PICK1: variants seen among roughly 807,000 people sequenced by gnomAD.
PICK1 encodes PRKCA-binding protein.
In PICK1, 23 loss-of-function variants were observed where a neutral mutation model predicts 48.9. The observed-to-expected ratio is 0.47, with a 90% CI of 0.34 to 0.67. The LOEUF (loss-of-function observed/expected upper bound fraction) is 0.67. Ranked by LOEUF, PICK1 falls within the 30% of genes least tolerant of loss-of-function variation. PICK1 has a pLI of 0.01. For synonymous variants in PICK1, 217 were observed against 228.2 expected, an observed-to-expected ratio of 0.95 and a Z score of 0.44; for missense variants, 423 against 557.1, an observed-to-expected ratio of 0.76 and a Z score of 2.42.
chr22:38,074,267 C>A lies in PICK1; in HGVS notation c.835-40C>A. 6.2e-7 allele frequency: 1 copy of A among 1,610,276 alleles called. No homozygotes were observed. Among genetic ancestry groups the A allele is most frequent in the Non-Finnish European group, 8.5e-7 (1 of 1,178,328 alleles). On this transcript the variant is annotated intron_variant, in intron 11 of 12. Transcript: ENST00000356976. This position sits in a 1 kb window ranked among gnomAD's most constrained non-coding sequence, Gnocchi z 4.5. Reference sequence around the variant, plus strand: ...TTTGAAAGCACAGTGCGGTGCGAGGCCGTCCCTGAGCAGGCACTCCTGTCC... The same window carrying A: ...TTTGAAAGCACAGTGCGGTGCGAGGACGTCCCTGAGCAGGCACTCCTGTCC...
intron 3 of PICK1, among the ~76,000 whole-genome samples, chr22:38,060,293 C>T (rs917226784): frequency 6.6e-6 from 1 of 152,214 alleles, no homozygotes; most frequent in African/African-American, 2.4e-5. Context: ...TTCCCAGATG[C>T]TCTGCCAGTG....
chr22:38,065,308 A>G (rs1366654518), intron 4 of PICK1, 178 bp downstream of exon 4: 8 of 662,818 alleles, frequency 1.2e-5, no homozygotes, highest in South Asian at 7.9e-5. Flanking sequence ...CATTCATTCA[A>G]TAAATACTAA....
At chr22:38,062,376 T>G (rs949984315) in intron 3 of PICK1, among the ~76,000 whole-genome samples, 4 of 151,954 alleles carry the variant, frequency 2.6e-5, no homozygotes, top group African/African-American at 9.7e-5. Flanking sequence ...GCCTCCGAAG[T>G]AGCTGGGATT....
At position 38,057,453 on chromosome 22, in the gene PICK1, G is replaced by T. The variant is rs959593879; in HGVS notation, c.-192G>T. 4.9e-5 allele frequency: 17 copies of T among 343,728 alleles called. No individual in the cohort carries two copies. The highest frequency in any genetic ancestry group is 1.8e-3 in the Middle Eastern group (2 of 1,094). The allele number at this position is 343,728 out of a possible 1,614,324, so 21.3% of individuals were successfully genotyped here. ...GAACGGCAGGTGGGTTCAGGTACCA[G>T]CCTGGCCGGGACCCGGCTGTGGGAC... is the stretch of plus-strand genomic sequence containing the variant. On this transcript the variant is annotated 5_prime_UTR_variant, in exon 1 of 13. Transcript: ENST00000356976.
chr22:38,058,779 C>T (rs1470566788), intron 2 of PICK1, among the ~76,000 whole-genome samples: 4 of 151,908 alleles, frequency 2.6e-5, no homozygotes, highest in Non-Finnish European at 5.9e-5. Context: ...CTGAGGCAGG[C>T]GGATCAACTG....
Position 38,069,085 on chromosome 22 carries a change from A to C in PICK1, c.402A>C (p.Ala134=). The change falls in exon 6 of 13, where the codon GCA becomes GCC. Residue 134 remains alanine, a synonymous_variant. Transcript: ENST00000356976. ...TGGAGAACATGAGTTCAGGGACCGC[A>C]GATGCTCTGGGCCTGAGCCGGGCCA... The part of the protein sequence containing the change: ...RLVENMSSGT[A]DALGLSRAIL... 1 of 1,612,920 alleles carries C rather than the reference A, an allele frequency of 6.2e-7. No homozygotes were observed. The highest frequency in any genetic ancestry group is 8.5e-7 in the Non-Finnish European group (1 of 1,179,622).
At chr22:38,064,087 T>C (rs2085468377) in intron 3 of PICK1, among the ~76,000 whole-genome samples, 1 of 152,106 alleles carries the variant, frequency 6.6e-6, no homozygotes, top group Non-Finnish European at 1.5e-5. Context: ...AGACAGAGTC[T>C]CGTTCTGTTG....
chr22:38,059,379 A>G, intron 3 of PICK1, 34 bp downstream of exon 3: 3 of 1,358,860 alleles, frequency 2.2e-6, no homozygotes, highest in Non-Finnish European at 3.1e-6. Flanking sequence ...CACAAGGTAC[A>G]TCCCTACTTG....
Position 38,059,273 on chromosome 22 carries a change from G to A in PICK1, c.81G>A (p.Lys27=). 2.5e-6 allele frequency: 4 copies of A among 1,585,004 alleles called. No individual in the cohort carries two copies. The highest frequency in any genetic ancestry group is 3.4e-6 in the Non-Finnish European group (4 of 1,165,024). Residue 27 remains lysine (K), a synonymous_variant, in exon 3 of 13, where the codon AAG becomes AAA. Transcript: ENST00000356976. ...TGCCTGGGAAGGTGACCCTGCAGAA[G>A]GATGCTCAGAACCTGATCGGGATCA... ...PTVPGKVTLQ[K]DAQNLIGISI...
At chr22:38,058,404 T>G (rs1340844790) in intron 2 of PICK1, among the ~76,000 whole-genome samples, 5 of 152,164 alleles carry the variant, frequency 3.3e-5, no homozygotes, top group Non-Finnish European at 5.9e-5. Flanking sequence ...TGCTAATTTA[T>G]AGTGGAAACC....
intron 7 of PICK1, 119 bp downstream of exon 7, chr22:38,071,010 G>A: frequency 1.3e-6 from 1 of 788,436 alleles, no homozygotes; most frequent in South Asian, 1.4e-5. Flanking sequence ...TAGGACCATG[G>A]GCATTAAGAG....
Position 38,074,941 on chromosome 22 carries a change from C to T in PICK1, c.1057C>T (p.Arg353Trp), listed in dbSNP as rs1227984224. 3 of 1,613,588 alleles carry T rather than the reference C, an allele frequency of 1.9e-6. No individual in the cohort carries two copies. Among genetic ancestry groups the T allele is most frequent in the Non-Finnish European group, 2.5e-6 (3 of 1,180,044 alleles). Residue 353 changes from arginine to tryptophan, a missense_variant, in exon 13 of 13, where the codon CGG (arginine) becomes TGG (tryptophan). Physicochemically the swap from Arg to Trp is moderately radical, Grantham distance 101 (BLOSUM62 -3). Transcript: ENST00000356976. The surrounding 1 kb of genome is among the most constrained non-coding windows in gnomAD (Gnocchi z 4.5). ...CTACAACGACTGCTACGCAGTGCTG[C>T]GGGATGCCGACGTCTTCCCCATCGA... ...KYYNDCYAVL[R>W]DADVFPIEVD... is the part of the protein sequence containing the mutation.
chr22:38,057,641 A>AG (rs5845365), intron 1 of PICK1, 54 bp downstream of exon 1: 657,164 of 657,170 alleles, frequency 1, 328,579 homozygotes, highest in Middle Eastern at 1. Flanking sequence ...CCCACTCCAG[A>AG]GGGAAGAGGA....
chr22:38,075,207 C>T lies in PICK1; in HGVS notation c.*75C>T, dbSNP rs955138092. On this transcript the variant is annotated 3_prime_UTR_variant, in exon 13 of 13. Coordinates refer to ENST00000356976, the MANE Select transcript of PICK1 (RefSeq NM_012407.4). ...CTGGGAGCGGGGCGGGGCCGCCGCGCAAGGGGGCGACGCATAAAGGCCTGC... is the reference window on the plus strand; with the variant it reads ...CTGGGAGCGGGGCGGGGCCGCCGCGTAAGGGGGCGACGCATAAAGGCCTGC... 2 of 1,440,412 alleles carry T rather than the reference C, an allele frequency of 1.4e-6. No homozygotes were observed. The highest frequency in any genetic ancestry group is 2.3e-5 in the East Asian group (1 of 42,586). The allele number at this position is 1,440,412 out of a possible 1,614,324, so 89.2% of individuals were successfully genotyped here. A position where few individuals can be genotyped will look rare whatever the true frequency, so the allele number is the denominator to read the frequency against.
chr22:38,072,406 TC>T, intron 8 of PICK1, 70 bp from the exon 9 acceptor site: 4 of 1,579,018 alleles, frequency 2.5e-6, no homozygotes, highest in Non-Finnish European at 2.6e-6. Context: ...GCCCTGCTTC[TC>T]CCCAACAAAC....
In PICK1 at chr22:38,075,075, G is replaced by A; in HGVS notation, c.1191G>A (p.Arg397=). Reference sequence around the variant, plus strand: ...ACACGGCAGCTGGGGAGCCGTCCAGGGATACACGAGGGGCTGCTGGGCCCT... The same window carrying A: ...ACACGGCAGCTGGGGAGCCGTCCAGAGATACACGAGGGGCTGCTGGGCCCT... The part of the protein sequence containing the change: ...EEDTAAGEPS[R]DTRGAAGPLD... Residue 397 remains arginine (R), a synonymous_variant, in exon 13 of 13, where the codon AGG becomes AGA. Transcript: ENST00000356976. 1 of 1,612,928 alleles carries A rather than the reference G, an allele frequency of 6.2e-7. No homozygotes were observed. The highest frequency in any genetic ancestry group is 8.5e-7 in the Non-Finnish European group (1 of 1,180,002).
Position 38,057,572 on chromosome 22 carries a change from C to A in PICK1, c.-73C>A. ...CTGAGCCTATCGCCCTGGCCTGGAG[C>A]CCCCCTTTGTACCTAGTAAGAATCA... On this transcript the variant is annotated 5_prime_UTR_variant, in exon 1 of 13. Coordinates refer to ENST00000356976, the MANE Select transcript of PICK1 (RefSeq NM_012407.4). The A allele has an allele frequency of 3.5e-6, 2 of 577,502 alleles. No homozygotes were observed. The highest frequency in any genetic ancestry group is 4.6e-4 in the Middle Eastern group (1 of 2,152). The allele number at this position is 577,502 out of a possible 1,614,324, so 35.8% of individuals were successfully genotyped here.
intron 3 of PICK1, among the ~76,000 whole-genome samples, chr22:38,064,495 C>G (rs777534428): frequency 6.6e-6 from 1 of 152,138 alleles, no homozygotes; most frequent in African/African-American, 2.4e-5. Context: ...GGCACGGTGG[C>G]TCACACCTGT....
At chr22:38,072,941 A>G (rs1166696038) in intron 9 of PICK1, 59 bp from the exon 10 acceptor site, 2 of 1,140,510 alleles carry the variant, frequency 1.8e-6, no homozygotes, top group South Asian at 2.4e-5. Flanking sequence ...AGTGCCATTC[A>G]TTGTCACCCT....
Sources: allele counts gnomAD v4.1 joint callset (sites outside exome capture counted in the v4.1 genomes callset), GRCh38; gene constraint gnomAD v4.1.1; non-coding constraint Gnocchi (gnomAD v3.1); transcripts MANE v1.5; gene names NCBI Gene and HGNC (gene_info 2026-07-23, HGNC 2026-07-21).